Variants in C4orf51 observed in about 807,000 individuals in gnomAD.
The protein encoded by C4orf51 is uncharacterized protein C4orf51.
C4orf51 carries 25 observed loss-of-function variants against 25.2 expected under a neutral mutation model. That is an observed-to-expected ratio of 0.99 (90% CI 0.72 to 1.39). C4orf51 has a LOEUF of 1.39. Ranked by LOEUF, C4orf51 falls within the 40% of genes most tolerant of loss-of-function variation. C4orf51 has a pLI of 0.00. For missense variants in C4orf51, 252 were observed against 239.6 expected (o/e 1.05, Z -0.34); for synonymous variants, 100 against 84.5 (o/e 1.18, Z -1.01).
chr4:145,774,901 T>C (rs1736817175), downstream of C4orf51, among the ~76,000 whole-genome samples: 4 of 152,226 alleles, frequency 2.6e-5, no homozygotes, highest in African/African-American at 2.4e-5. Context: ...CAATCACATA[T>C]GTGTTATAAT....
chr4:145,781,013 G>A, the C4orf51 span, among the ~76,000 whole-genome samples: 11 of 151,874 alleles, frequency 7.2e-5, no homozygotes, highest in Admixed American at 6.6e-4. Flanking sequence ...TGGCTAACAC[G>A]GTGAAACACT....
chr4:145,761,046 G>A lies in C4orf51; in HGVS notation n.167-9942G>A, dbSNP rs745468947. ...TGCCGTGGGCTGCCGACAGGGCCAC[G>A]GTCTGCAGAGCCTGGGAGGCAGACA... On this transcript the variant is annotated intron_variant and non_coding_transcript_variant, in intron 1 of 1. Transcript: ENST00000510096. This position sits in a 1 kb window ranked among gnomAD's most constrained non-coding sequence, Gnocchi z 6.8. 7 of 1,287,892 alleles carry A rather than the reference G, an allele frequency of 5.4e-6. No individual in the cohort carries two copies. The African/African-American group carries it at 6.1e-5, about 11-fold the overall frequency. 79.8% of individuals were successfully genotyped at this position (1,287,892 alleles called of 1,614,324 possible). A position where few individuals can be genotyped will look rare whatever the true frequency, so the allele number is the denominator to read the frequency against.
At chr4:145,766,470 C>T (rs1469218742) in intron 1 of C4orf51, among the ~76,000 whole-genome samples, 2 of 152,208 alleles carry the variant, frequency 1.3e-5, no homozygotes, top group South Asian at 4.1e-4. Context: ...AGCCATATGA[C>T]TGATCAGTTT....
At chr4:145,727,958 A>G (rs1339550916) in intron 3 of C4orf51, among the ~76,000 whole-genome samples, 1 of 121,546 alleles carries the variant, frequency 8.2e-6, no homozygotes, top group African/African-American at 3.0e-5. Context: ...ATATAATAAT[A>G]TAATATATAA....
chr4:145,703,251 T>C (rs1730577241), intron 2 of C4orf51, among the ~76,000 whole-genome samples: 1 of 151,572 alleles, frequency 6.6e-6, no homozygotes, highest in Admixed American at 6.6e-5. Context: ...CTTGTGAAAG[T>C]CCTTTTCCTG....
intron 1 of C4orf51, among the ~76,000 whole-genome samples, chr4:145,742,047 CT>C (rs1484571179): frequency 6.6e-6 from 1 of 152,158 alleles, no homozygotes; most frequent in African/African-American, 2.4e-5. Context: ...CAAGGGTAGA[CT>C]TTTCTCTTTG....
At chr4:145,704,745 G>GC (rs1425225880) in intron 2 of C4orf51, among the ~76,000 whole-genome samples, 1 of 152,120 alleles carries the variant, frequency 6.6e-6, no homozygotes, top group Admixed American at 6.6e-5. Context: ...TGCAGCAATC[G>GC]CAACTCTTGC....
chr4:145,750,453 T>C (rs1179508172), intron 1 of C4orf51, among the ~76,000 whole-genome samples: 1 of 149,666 alleles, frequency 6.7e-6, no homozygotes, highest in African/African-American at 2.5e-5. Flanking sequence ...TCTTTAAATA[T>C]GTCATGCCAC....
At chr4:145,742,532 G>GTTTTTTTTTTTTTTT (rs141147414) in intron 1 of C4orf51, among the ~76,000 whole-genome samples, 1 of 104,988 alleles carries the variant, frequency 9.5e-6, no homozygotes, top group Non-Finnish European at 1.9e-5. Flanking sequence ...TCTTTTTCTT[G>GTTTTTTTTTTTTTTT]TTTTTTTTTT....
intron 4 of C4orf51, 83 bp downstream of exon 4, chr4:145,729,312 T>TTTTTA (rs1732295057): frequency 1.1e-6 from 1 of 931,544 alleles, no homozygotes; most frequent in Non-Finnish European, 1.6e-6. Context: ...TTTTTTTTTT[T>TTTTTA]TTTTTTTTTG....
chr4:145,783,390 T>G, the C4orf51 span, among the ~76,000 whole-genome samples: 1 of 152,276 alleles, frequency 6.6e-6, no homozygotes, highest in Non-Finnish European at 1.5e-5. Context: ...GCTACCTGCC[T>G]TTTGAATTGC....
intron 2 of C4orf51, among the ~76,000 whole-genome samples, chr4:145,706,813 T>TC (rs1161540927): frequency 7.2e-6 from 1 of 138,304 alleles, no homozygotes; most frequent in Non-Finnish European, 1.5e-5. Context: ...GGCTAATTTT[T>TC]TTTTTTTTTT....
chr4:145,791,138 C>G, the C4orf51 span, among the ~76,000 whole-genome samples: 1 of 152,214 alleles, frequency 6.6e-6, no homozygotes, highest in Non-Finnish European at 1.5e-5. Context: ...TTATAAACCA[C>G]AGAAATGTTT....
At chr4:145,764,768 A>C in intron 1 of C4orf51, 7 of 579,182 alleles carry the variant, frequency 1.2e-5, no homozygotes, top group Non-Finnish European at 1.5e-5. Flanking sequence ...ATCCCGGGGT[A>C]TTTGCAAAAT....
At chr4:145,769,363 G>A in intron 1 of C4orf51, among the ~76,000 whole-genome samples, 1 of 152,204 alleles carries the variant, frequency 6.6e-6, no homozygotes, top group East Asian at 1.9e-4. Context: ...TTTTAGCGGA[G>A]ACCCTGAATC....
intron 2 of C4orf51, among the ~76,000 whole-genome samples, chr4:145,714,692 A>T (rs941202454): frequency 7.9e-5 from 12 of 152,154 alleles, no homozygotes; most frequent in Non-Finnish European, 1.3e-4. Flanking sequence ...AGTGTTTCTT[A>T]GGTGGTGACA....
At chr4:145,786,008 A>G in the C4orf51 span, among the ~76,000 whole-genome samples, 1 of 152,338 alleles carries the variant, frequency 6.6e-6, no homozygotes, top group East Asian at 1.9e-4. Context: ...AACAAGAGGA[A>G]GATCAACTAG....
intron 2 of C4orf51, among the ~76,000 whole-genome samples, chr4:145,712,858 G>T (rs752981235): frequency 1.2e-4 from 18 of 152,226 alleles, no homozygotes; most frequent in Non-Finnish European, 2.2e-4. Flanking sequence ...AGGATAGGCT[G>T]ACTCTCTTGT....
At chr4:145,743,082 G>A (rs902655273) in intron 1 of C4orf51, among the ~76,000 whole-genome samples, 2 of 152,186 alleles carry the variant, frequency 1.3e-5, no homozygotes, top group African/African-American at 4.8e-5. Flanking sequence ...TTGGAGGATA[G>A]GTGTGCCCTT....
Sources: allele counts gnomAD v4.1 joint callset (sites outside exome capture counted in the v4.1 genomes callset), GRCh38; gene constraint gnomAD v4.1.1; non-coding constraint Gnocchi (gnomAD v3.1); transcripts MANE v1.5; gene names NCBI Gene and HGNC (gene_info 2026-07-23, HGNC 2026-07-21).